The following SSPN variants were observed in gnomAD, a reference collection of about 807,000 sequenced individuals.
SSPN encodes the protein sarcospan.
SSPN carries 15 observed loss-of-function variants against 19.1 expected under a neutral mutation model. That is an observed-to-expected ratio of 0.78 (90% CI 0.52 to 1.21). SSPN has a LOEUF of 1.21. Ranked by LOEUF, SSPN falls within the 50% of genes most tolerant of loss-of-function variation. The pLI is 0.00. For synonymous variants in SSPN, 147 were observed against 140.3 expected (o/e 1.05, Z -0.34); for missense variants, 291 against 314.0 (o/e 0.93, Z 0.55).
chr12:26,139,834 T>C (rs1026156380), intron 1 of SSPN, among the ~76,000 whole-genome samples: 6 of 152,218 alleles, frequency 3.9e-5, no homozygotes, highest in African/African-American at 1.4e-4. Context: ...TTCGTCATAG[T>C]GTGGAGTCCC....
At position 26,164,860 on chromosome 12, in the gene SSPN, C is replaced by T. The variant is rs74514312; in HGVS notation, c.-31+42708C>T. Among the ~76,000 whole-genome samples, 156 of 152,260 alleles carry T rather than the reference C, an allele frequency of 1.0e-3. 1 individual carries two copies. Among genetic ancestry groups the T allele is most frequent in the African/African-American group, 3.6e-3 (148 of 41,536 alleles). On this transcript the variant is annotated intron_variant, in intron 1 of 2. Transcript: ENST00000538142. ...AGAACCAGTCACACATTTACTGAAC[C>T]CACGTCTGTAAAGATAATGACAAGT...
intron 1 of SSPN, among the ~76,000 whole-genome samples, chr12:26,223,233 G>A (rs12580651): frequency 0.24 from 36,055 of 151,988 alleles, 4,874 homozygotes; most frequent in East Asian, 0.51. Flanking sequence ...TTTTTGAGAT[G>A]GAGTTTCGCT....
intron 1 of SSPN, chr12:26,123,814 T>A (rs1655034350): frequency 1.0e-6 from 1 of 977,324 alleles, no homozygotes; most frequent in South Asian, 1.3e-5. Context: ...GGCTGTCCAT[T>A]CAGCACAGCA....
At chr12:26,218,888 G>C (rs1218257781) in intron 1 of SSPN, among the ~76,000 whole-genome samples, 1 of 152,128 alleles carries the variant, frequency 6.6e-6, no homozygotes, top group Non-Finnish European at 1.5e-5. Flanking sequence ...ACAATCCATA[G>C]AAATTCTCTT....
chr12:26,181,222 T>C (rs1396718022), intron 1 of SSPN: 1 of 151,312 alleles, frequency 6.6e-6, no homozygotes, highest in Non-Finnish European at 1.5e-5. Context: ...TTACTACTCA[T>C]TTTTTTTTGT....
At chr12:26,216,315 G>A (rs1245133288) in intron 1 of SSPN, among the ~76,000 whole-genome samples, 3 of 152,158 alleles carry the variant, frequency 2.0e-5, no homozygotes, top group South Asian at 2.1e-4. Context: ...TTAGAAATGC[G>A]AATTGTCAGT....
chr12:26,176,396 A>G (rs1346854356), intron 1 of SSPN, among the ~76,000 whole-genome samples: 1 of 152,194 alleles, frequency 6.6e-6, no homozygotes, highest in African/African-American at 2.4e-5. Flanking sequence ...TAAACCTTTT[A>G]CAAGGCCCTC....
chr12:26,194,984 T>C (rs575666614), upstream of SSPN, among the ~76,000 whole-genome samples: 8 of 152,186 alleles, frequency 5.3e-5, no homozygotes, highest in Non-Finnish European at 1.2e-4. Flanking sequence ...AGTGAGCCCC[T>C]GTTTGGAAAA....
chr12:26,129,974 A>G (rs1182012262), intron 1 of SSPN, among the ~76,000 whole-genome samples: 2 of 152,198 alleles, frequency 1.3e-5, no homozygotes, highest in Non-Finnish European at 2.9e-5. Context: ...CCCAAAGACC[A>G]CAATAGGAGG....
chr12:26,181,821 T>C lies in SSPN; in HGVS notation c.-30-42472T>C, dbSNP rs918898884. 4.6e-5 allele frequency among the ~76,000 whole-genome samples: 7 copies of C among 152,196 alleles called. No individual in the cohort carries two copies. The South Asian group carries it at 8.3e-4, about 18-fold the overall frequency. On this transcript the variant is annotated intron_variant, in intron 1 of 2. Coordinates refer to the SSPN transcript ENST00000538142. Reference sequence around the variant, plus strand: ...CAACTTAAAAACAGGAGGTCAAAGATTGCTTTTTAAGAAATGGAAACGTAT... The same window carrying C: ...CAACTTAAAAACAGGAGGTCAAAGACTGCTTTTTAAGAAATGGAAACGTAT...
At chr12:26,202,147 A>G (rs1944891641) in intron 1 of SSPN, among the ~76,000 whole-genome samples, 3 of 152,338 alleles carry the variant, frequency 2.0e-5, no homozygotes. Flanking sequence ...GACACACTAT[A>G]TTATTGAGGG....
At chr12:26,144,429 G>C (rs1003014421) in intron 1 of SSPN, among the ~76,000 whole-genome samples, 10 of 152,318 alleles carry the variant, frequency 6.6e-5, no homozygotes, top group African/African-American at 2.4e-4. Context: ...TGTTACTGTA[G>C]CCCTAGTAAT....
rs1406513441 is a variant in SSPN, at chr12:26,213,927, G to A, written c.280-10366G>A. Among the ~76,000 whole-genome samples, 3 of 152,030 alleles carry A rather than the reference G, an allele frequency of 2.0e-5. No homozygotes were observed. The East Asian group carries it at 5.8e-4, about 29-fold the overall frequency. ...ATTTTTCTCTCTTCTTTTCACTGTA[G>A]TATCTCCAAGCCTCAAAGAGTACCT... is the stretch of plus-strand genomic sequence containing the variant. On this transcript the variant is annotated intron_variant, in intron 1 of 2. Coordinates refer to ENST00000242729, the MANE Select transcript of SSPN (RefSeq NM_005086.5).
intron 1 of SSPN, among the ~76,000 whole-genome samples, chr12:26,130,860 A>T (rs1350418561): frequency 6.6e-6 from 1 of 151,778 alleles, no homozygotes; most frequent in African/African-American, 2.4e-5. Context: ...GGGAAGGATG[A>T]AAGGGTGCCT....
chr12:26,143,959 C>T (rs1224251238), intron 1 of SSPN, among the ~76,000 whole-genome samples: 1 of 152,180 alleles, frequency 6.6e-6, no homozygotes, highest in Non-Finnish European at 1.5e-5. Flanking sequence ...ATCACTGTCT[C>T]CCATCACCCC....
At chr12:26,214,913 G>A (rs1205572410) in intron 1 of SSPN, 3 of 152,072 alleles carry the variant, frequency 2.0e-5, no homozygotes, top group Non-Finnish European at 4.4e-5. Flanking sequence ...CACATTGGGG[G>A]AAGCTGATTC....
At chr12:26,130,880 G>A (rs1226176876) in intron 1 of SSPN, among the ~76,000 whole-genome samples, 1 of 147,304 alleles carries the variant, frequency 6.8e-6, no homozygotes, top group Non-Finnish European at 1.5e-5. Flanking sequence ...TGCCAACTGA[G>A]CAAGGTCTCT....
intron 1 of SSPN, among the ~76,000 whole-genome samples, chr12:26,174,511 T>TCCTTCCTTCCTTCCTTCCTTC (rs1555177718): frequency 1.8e-3 from 263 of 145,820 alleles, no homozygotes; most frequent in Middle Eastern, 6.9e-3. Flanking sequence ...TTCCCTTCCT[T>TCCTTCCTTCCTTCCTTCCTTC]CCTTCCTTCC....
At chr12:26,155,271 A>T (rs887024430) in intron 1 of SSPN, among the ~76,000 whole-genome samples, 27 of 152,352 alleles carry the variant, frequency 1.8e-4, no homozygotes, top group African/African-American at 6.0e-4. Context: ...CAGACTAATC[A>T]GGGAAAGGTG....
Sources: allele counts gnomAD v4.1 joint callset (sites outside exome capture counted in the v4.1 genomes callset), GRCh38; gene constraint gnomAD v4.1.1; transcripts MANE v1.5; gene names NCBI Gene and HGNC (gene_info 2026-07-23, HGNC 2026-07-21).